ADAM12: variants seen among roughly 807,000 people sequenced by gnomAD.
The protein encoded by ADAM12 is ADAM metallopeptidase domain 12.
Under a neutral mutation model 106.4 loss-of-function variants are expected in ADAM12, and 70 were observed. The observed-to-expected ratio is 0.66, with a 90% CI of 0.54 to 0.80. The LOEUF is 0.80. ADAM12 is among the 30% of genes least tolerant of loss of function. The pLI is 0.00. For missense variants in ADAM12, 1,010 were observed against 1,171.9 expected (o/e 0.86, Z 2.02); for synonymous variants, 420 against 433.5 (o/e 0.97, Z 0.39).
intron 3 of ADAM12, among the ~76,000 whole-genome samples, chr10:126,190,292 CT>C (rs1236532717): frequency 3.3e-5 from 5 of 151,814 alleles, no homozygotes; most frequent in African/African-American, 1.2e-4. Flanking sequence ...ACCTCCACTT[CT>C]GGGTTCAAGC....
intron 1 of ADAM12, among the ~76,000 whole-genome samples, chr10:126,337,331 A>G (rs1167988277): frequency 6.6e-6 from 1 of 152,194 alleles, no homozygotes; most frequent in Non-Finnish European, 1.5e-5. Flanking sequence ...AAGAAGGAAG[A>G]GAGCCAGAAG....
At chr10:126,021,510 G>A (rs1380415196) in intron 21 of ADAM12, among the ~76,000 whole-genome samples, 1 of 152,130 alleles carries the variant, frequency 6.6e-6, no homozygotes, top group Non-Finnish European at 1.5e-5. Flanking sequence ...TTGGAACAAC[G>A]GACACATTGG....
chr10:126,114,716 G>A (rs1170055886), intron 6 of ADAM12, among the ~76,000 whole-genome samples: 1 of 152,186 alleles, frequency 6.6e-6, no homozygotes, highest in Admixed American at 6.5e-5. Context: ...CTGACCTCAG[G>A]TGATCTGCCT....
intron 17 of ADAM12, among the ~76,000 whole-genome samples, chr10:126,045,429 A>C (rs1014705729): frequency 1.3e-5 from 2 of 152,322 alleles, no homozygotes; most frequent in Admixed American, 1.3e-4. Context: ...TTTTAAAATA[A>C]AGAATTTGGA....
chr10:126,321,660 C>T (rs186799835), intron 2 of ADAM12, among the ~76,000 whole-genome samples: 19 of 152,298 alleles, frequency 1.2e-4, no homozygotes, highest in Admixed American at 5.2e-4. Flanking sequence ...AGATCTCCCT[C>T]GGAGGCAAGA....
intron 3 of ADAM12, among the ~76,000 whole-genome samples, chr10:126,212,088 C>A (rs1378954720): frequency 3.3e-5 from 5 of 152,222 alleles, no homozygotes. Context: ...GGCGTGACTG[C>A]TGCGCAGCTC....
At chr10:126,339,055 A>T (rs1425472234) in intron 1 of ADAM12, among the ~76,000 whole-genome samples, 1 of 152,124 alleles carries the variant, frequency 6.6e-6, no homozygotes, top group Non-Finnish European at 1.5e-5. Flanking sequence ...GCACTCTGTG[A>T]TTCTGGATTT....
intron 21 of ADAM12, among the ~76,000 whole-genome samples, chr10:126,026,384 C>T (rs772030700): frequency 2.0e-5 from 3 of 151,912 alleles, no homozygotes; most frequent in Non-Finnish European, 4.4e-5. Context: ...ATTAGAAAAT[C>T]AACAAAGACA....
chr10:126,124,328 A>C (rs2133642274), intron 5 of ADAM12, among the ~76,000 whole-genome samples: 1 of 152,050 alleles, frequency 6.6e-6, no homozygotes, highest in East Asian at 1.9e-4. Context: ...GGGTAAAAGT[A>C]ATATCTCACC....
chr10:126,153,683 T>C (rs1956767062), intron 4 of ADAM12, among the ~76,000 whole-genome samples: 1 of 102,928 alleles, frequency 9.7e-6, no homozygotes, highest in Non-Finnish European at 2.3e-5. Context: ...TAATTTTGAT[T>C]TGGGGCTCAT....
At chr10:126,270,857 A>G (rs1012811708) in intron 3 of ADAM12, among the ~76,000 whole-genome samples, 3 of 152,164 alleles carry the variant, frequency 2.0e-5, no homozygotes, top group Non-Finnish European at 4.4e-5. Context: ...CCAGAGGCTC[A>G]CCCACTAGGC....
At chr10:126,329,129 TA>T (rs59399247) in intron 2 of ADAM12, among the ~76,000 whole-genome samples, 14,048 of 145,378 alleles carry the variant, frequency 0.097, 892 homozygotes, top group East Asian at 0.25. Flanking sequence ...AACAAATACT[TA>T]AAAAAAAAAA....
intron 1 of ADAM12, among the ~76,000 whole-genome samples, chr10:126,342,492 T>G (rs1339943119): frequency 1.3e-5 from 2 of 152,224 alleles, no homozygotes; most frequent in Non-Finnish European, 2.9e-5. Context: ...AATGAGAATT[T>G]TTTTTGTTCT....
At chr10:126,147,266 C>T (rs140400389) in intron 4 of ADAM12, among the ~76,000 whole-genome samples, 2,028 of 152,282 alleles carry the variant, frequency 0.013, 49 homozygotes, top group African/African-American at 0.046. Context: ...TCATTCCGTG[C>T]ACCTGGCCTC....
At position 126,033,699 on chromosome 10, in the gene ADAM12, T is replaced by C. The variant is rs369827121; in HGVS notation, c.2529+2447A>G. Among the ~76,000 whole-genome samples, 1,186 of 152,104 alleles carry C rather than the reference T, an allele frequency of 7.8e-3. 13 individuals carry two copies. The highest frequency in any genetic ancestry group is 0.027 in the African/African-American group (1,117 of 41,538). ...CATAGCCTAGAGACTGGCAGATCTC[T>C]ACTTTCTATCACTTCTTGCAATAAC... On this transcript the variant is annotated intron_variant, in intron 21 of 22. Coordinates refer to ENST00000448723, the MANE Select transcript of ADAM12 (RefSeq NM_001288973.2).
At chr10:126,231,220 C>G (rs1413526423) in intron 3 of ADAM12, among the ~76,000 whole-genome samples, 1 of 151,980 alleles carries the variant, frequency 6.6e-6, no homozygotes, top group East Asian at 1.9e-4. Flanking sequence ...ATAGTACAGC[C>G]CATTAAGATT....
chr10:126,084,197 C>T lies in ADAM12; in HGVS notation c.1145+9788G>A, dbSNP rs539304401. Among the ~76,000 whole-genome samples, 15 of 152,336 alleles carry T rather than the reference C, an allele frequency of 9.8e-5. No homozygotes were observed. The East Asian group carries it at 2.9e-3, about 29-fold the overall frequency. On this transcript the variant is annotated intron_variant, in intron 11 of 22. Coordinates refer to ENST00000448723, the MANE Select transcript of ADAM12 (RefSeq NM_001288973.2). ...ATTTTTAATAAAGTCACCAACTGAG[C>T]TCTGGTCAGTTGAGACATGTACAGG...
At chr10:126,358,843 T>C (rs1026941190) in intron 1 of ADAM12, among the ~76,000 whole-genome samples, 13 of 152,170 alleles carry the variant, frequency 8.5e-5, no homozygotes, top group Non-Finnish European at 1.2e-4. Context: ...CATTTCTATA[T>C]ACTAAAAAGA....
chr10:126,336,203 G>A (rs10736871), intron 1 of ADAM12, among the ~76,000 whole-genome samples: 102,894 of 152,048 alleles, frequency 0.68, 34,997 homozygotes, highest in Admixed American at 0.74. Flanking sequence ...TGGGATGTGG[G>A]GTGTCTGGAA....
Sources: allele counts gnomAD v4.1 joint callset (sites outside exome capture counted in the v4.1 genomes callset), GRCh38; gene constraint gnomAD v4.1.1; transcripts MANE v1.5; gene names NCBI Gene and HGNC (gene_info 2026-07-23, HGNC 2026-07-21).